SEPSECS: variants seen among roughly 807,000 people sequenced by gnomAD.
The protein encoded by SEPSECS is O-phosphoseryl-tRNA(Sec) selenium transferase.
Under a neutral mutation model 52.1 loss-of-function variants are expected in SEPSECS, and 42 were observed. That is an observed-to-expected ratio of 0.81 (90% CI 0.63 to 1.04). The LOEUF (loss-of-function observed/expected upper bound fraction) is 1.04, where lower values mean the gene tolerates loss of function less well. Among genes scored for constraint, SEPSECS ranks in the 50% least tolerant of loss-of-function variants. The probability of loss-of-function intolerance (pLI) is 0.00; values close to 1 mark genes in which losing one functional copy is unlikely to be tolerated. For synonymous variants in SEPSECS, 216 were observed against 211.4 expected, an observed-to-expected ratio of 1.02 and a Z score of -0.19; for missense variants, 590 against 610.6, an observed-to-expected ratio of 0.97 and a Z score of 0.36.
intron 10 of SEPSECS, among the ~76,000 whole-genome samples, chr4:25,124,623 T>C (rs1728286307): frequency 6.6e-6 from 1 of 152,134 alleles, no homozygotes; most frequent in Admixed American, 6.6e-5. Flanking sequence ...TGACTTCATA[T>C]ATACACACTT....
At chr4:25,156,796 G>T in intron 3 of SEPSECS, 60 bp downstream of exon 3, 1 of 786,666 alleles carries the variant, frequency 1.3e-6, no homozygotes, top group Non-Finnish European at 2.3e-6. Flanking sequence ...AATGAAATGA[G>T]TCAGTGGTGT....
chr4:25,134,195 G>A (rs1728733581), intron 8 of SEPSECS, among the ~76,000 whole-genome samples: 1 of 147,468 alleles, frequency 6.8e-6, no homozygotes, highest in Admixed American at 6.8e-5. Flanking sequence ...AATATTATGT[G>A]CAACTGGACA....
intron 2 of SEPSECS, among the ~76,000 whole-genome samples, chr4:25,157,684 A>G (rs1424431581): frequency 6.6e-6 from 1 of 151,846 alleles, no homozygotes; most frequent in African/African-American, 2.4e-5. Flanking sequence ...AGCTGGGACT[A>G]CAGGCGCCCG....
chr4:25,147,775 T>C (rs1307481703), intron 6 of SEPSECS, among the ~76,000 whole-genome samples: 4 of 152,196 alleles, frequency 2.6e-5, no homozygotes, highest in African/African-American at 9.6e-5. Context: ...GTTAAAAACA[T>C]AATGTTAAAA....
intron 8 of SEPSECS, among the ~76,000 whole-genome samples, chr4:25,132,835 A>AT (rs1445244364): frequency 3.3e-5 from 5 of 152,216 alleles, no homozygotes; most frequent in Admixed American, 3.3e-4. Context: ...TCAACAACGG[A>AT]TGAGTGACTG....
intron 4 of SEPSECS, 48 bp from the exon 5 acceptor site, chr4:25,155,199 G>A: frequency 1.3e-6 from 2 of 1,596,664 alleles, no homozygotes; most frequent in Non-Finnish European, 1.7e-6. Context: ...ACTAAAATAA[G>A]GGAAGATCCT....
chr4:25,144,367 T>C (rs1711828288), intron 8 of SEPSECS, among the ~76,000 whole-genome samples: 2 of 150,342 alleles, frequency 1.3e-5, no homozygotes, highest in Admixed American at 1.3e-4. Context: ...ACTTCTGACC[T>C]GATTCTTCCT....
In SEPSECS at chr4:25,120,365, G is replaced by T. The variant is rs1362801152; in HGVS notation, c.*3566C>A. 1 of 152,120 alleles carries T rather than the reference G, an allele frequency of 6.6e-6. No homozygotes were observed. The highest frequency in any genetic ancestry group is 1.9e-4 in the East Asian group (1 of 5,204). The allele number at this position is 152,120 out of a possible 1,614,324, so 9.4% of individuals were successfully genotyped here. A position where few individuals can be genotyped will look rare whatever the true frequency, so the allele number is the denominator to read the frequency against. ...TCTTACATGCGCACATACCAAAAGG[G>T]CAAAAGGAAAGTAAAAAGTAAGGCA... On this transcript the variant is annotated 3_prime_UTR_variant, in exon 11 of 11. Transcript: ENST00000382103.
rs916565709 is a variant in SEPSECS, at chr4:25,160,078, G to A, written c.114+178C>T. On this transcript the variant is annotated intron_variant, in intron 1 of 10. Coordinates refer to ENST00000382103, the MANE Select transcript of SEPSECS (RefSeq NM_016955.4). ...ACACCATTTGGCTTTCACTGGCTTT[G>A]GCAAGGCTGAGAAGGCACAGACCGC... is the stretch of plus-strand genomic sequence containing the variant. 13 of 985,298 alleles carry A rather than the reference G, an allele frequency of 1.3e-5. No homozygotes were observed. The African/African-American group carries it at 2.1e-4, about 16-fold the overall frequency. The allele number at this position is 985,298 out of a possible 1,614,324, so 61.0% of individuals were successfully genotyped here.
Position 25,122,905 on chromosome 4 carries a change from A to G in SEPSECS, c.*1026T>C, listed in dbSNP as rs1295666508. ...TGTGATTTTCATCTTCCTGGCAAAA[A>G]TATGTTCAAAAATACCCATGTTAGC... is the stretch of plus-strand genomic sequence containing the variant. On this transcript the variant is annotated 3_prime_UTR_variant, in exon 11 of 11. Transcript: ENST00000382103. 6.6e-6 allele frequency: 1 copy of G among 152,162 alleles called. No homozygotes were observed. The highest frequency in any genetic ancestry group is 1.5e-5 in the Non-Finnish European group (1 of 68,026). The allele number at this position is 152,162 out of a possible 1,614,324, so 9.4% of individuals were successfully genotyped here. A position where few individuals can be genotyped will look rare whatever the true frequency, so the allele number is the denominator to read the frequency against.
chr4:25,120,284 T>A lies in SEPSECS; in HGVS notation c.*3647A>T, dbSNP rs1476511828. The A allele has an allele frequency of 6.6e-6, 1 of 152,178 alleles. No individual in the cohort carries two copies. The highest frequency in any genetic ancestry group is 6.5e-5 in the Admixed American group (1 of 15,272). The allele number at this position is 152,178 out of a possible 1,614,324, so 9.4% of individuals were successfully genotyped here. On this transcript the variant is annotated 3_prime_UTR_variant, in exon 11 of 11. Coordinates refer to ENST00000382103, the MANE Select transcript of SEPSECS (RefSeq NM_016955.4). ...TTTTGCCTAAGGCCTTAGCTTTAAC[T>A]GCAGAGTAGTGAGTAGGAAATTACA...
chr4:25,130,238 T>A (rs1436113226), intron 8 of SEPSECS, among the ~76,000 whole-genome samples: 2 of 152,236 alleles, frequency 1.3e-5, no homozygotes, highest in African/African-American at 4.8e-5. Context: ...TGGTCACATT[T>A]GTGAATAAGC....
chr4:25,148,370 A>AT (rs1433597607), intron 6 of SEPSECS, among the ~76,000 whole-genome samples: 1 of 151,130 alleles, frequency 6.6e-6, no homozygotes, highest in African/African-American at 2.4e-5. Context: ...AAAAAAAAAA[A>AT]AAAAAAGCCT....
rs1461559126 is a variant in SEPSECS, at chr4:25,148,117, C to T, written c.805-2984G>A. ...TCTGTAATCCCAGCACTTTGGGAGGCCAAGGCGGGTGGATCACGAGGTCAG... is the reference window on the plus strand; with the variant it reads ...TCTGTAATCCCAGCACTTTGGGAGGTCAAGGCGGGTGGATCACGAGGTCAG... On this transcript the variant is annotated intron_variant, in intron 6 of 10. Transcript: ENST00000382103. Among the ~76,000 whole-genome samples the T allele has an allele frequency of 2.0e-5, 3 of 152,002 alleles. 1 individual carries two copies. Among genetic ancestry groups the T allele is most frequent in the Admixed American group, 2.0e-4 (3 of 15,260 alleles).
At position 25,158,577 on chromosome 4, in the gene SEPSECS, CA is replaced by C. The variant is rs201141068; in HGVS notation, c.269+375del. On this transcript the variant is annotated intron_variant, in intron 2 of 10. Coordinates refer to ENST00000382103, the MANE Select transcript of SEPSECS (RefSeq NM_016955.4). ...TTAAAGTTGATAACTATAAATCATT[CA>C]AAAAAAAAAAACACTACAAATGTTA... is the stretch of plus-strand genomic sequence containing the variant. Among the ~76,000 whole-genome samples, 1,268 of 128,322 alleles carry C rather than the reference CA, an allele frequency of 9.9e-3. 14 individuals carry two copies. Among genetic ancestry groups the C allele is most frequent in the South Asian group, 0.03 (124 of 4,150 alleles). The allele number at this position is 128,322 out of a possible 152,430, so 84.2% of individuals were successfully genotyped here.
intron 8 of SEPSECS, among the ~76,000 whole-genome samples, chr4:25,137,914 A>G (rs1371337498): frequency 1.3e-5 from 2 of 152,178 alleles, no homozygotes; most frequent in Non-Finnish European, 2.9e-5. Flanking sequence ...TGTCCTTTGC[A>G]CGGACATGGA....
Position 25,156,897 on chromosome 4 carries a change from T to G in SEPSECS, c.347A>C (p.Lys116Thr). 2 of 1,612,044 alleles carry G rather than the reference T, an allele frequency of 1.2e-6. No homozygotes were observed. The highest frequency in any genetic ancestry group is 1.7e-6 in the Non-Finnish European group (2 of 1,178,216). The change falls in exon 3 of 11, where the codon AAA (lysine) becomes ACA (threonine). Residue 116 changes from lysine (K) to threonine (T), a missense_variant. Physicochemically the swap from Lys to Thr is moderately conservative, Grantham distance 78 (BLOSUM62 -1). Coordinates refer to ENST00000382103, the MANE Select transcript of SEPSECS (RefSeq NM_016955.4). ...GTCCAGGACCAAAGAATTGGTAATT[T>G]TGTTCAAAAGGCTAGAGCCTGCAGC... is the stretch of plus-strand genomic sequence containing the variant. ...PKAAGSSLLNKITNSLVLDII... is the reference protein window; with the variant it reads ...PKAAGSSLLNTITNSLVLDII...
chr4:25,153,880 T>G (rs530553947), intron 5 of SEPSECS, among the ~76,000 whole-genome samples: 1 of 152,214 alleles, frequency 6.6e-6, no homozygotes, highest in East Asian at 1.9e-4. Flanking sequence ...CACTTAACAC[T>G]GTGCCAGGCA....
chr4:25,151,444 A>G (rs1194410295), intron 6 of SEPSECS, among the ~76,000 whole-genome samples: 1 of 152,248 alleles, frequency 6.6e-6, no homozygotes, highest in Non-Finnish European at 1.5e-5. Flanking sequence ...AGTTCTTATT[A>G]TAAGTCACAT....
Sources: allele counts gnomAD v4.1 joint callset (sites outside exome capture counted in the v4.1 genomes callset), GRCh38; gene constraint gnomAD v4.1.1; transcripts MANE v1.5; gene names NCBI Gene and HGNC (gene_info 2026-07-23, HGNC 2026-07-21).